The following SLC39A10 variants were observed in gnomAD, a reference collection of about 807,000 sequenced individuals.
The protein encoded by SLC39A10 is zinc transporter ZIP10.
In SLC39A10, 13 loss-of-function variants were observed where a neutral mutation model predicts 65.1. That is an observed-to-expected ratio of 0.20 (90% CI 0.13 to 0.32). SLC39A10 has a LOEUF of 0.32. Among genes scored for constraint, SLC39A10 ranks in the 10% least tolerant of loss-of-function variants. SLC39A10 has a pLI of 1.00. For missense variants in SLC39A10, 831 were observed against 1,018.4 expected (o/e 0.82, Z 2.50); for synonymous variants, 321 against 342.2 (o/e 0.94, Z 0.68).
At chr2:195,682,863 A>G (rs550710547) in intron 2 of SLC39A10, among the ~76,000 whole-genome samples, 30 of 152,120 alleles carry the variant, frequency 2.0e-4, no homozygotes, top group Admixed American at 7.2e-4. Flanking sequence ...AAAATAAAAA[A>G]AAAAAACTAA....
intron 3 of SLC39A10, among the ~76,000 whole-genome samples, chr2:195,685,918 T>C (rs1418282164): frequency 2.6e-5 from 4 of 152,240 alleles, no homozygotes; most frequent in Non-Finnish European, 5.9e-5. Flanking sequence ...AATGTGTCTT[T>C]GAAGATCATT....
chr2:195,657,494 T>C (rs2105720464), intron 1 of SLC39A10: 1 of 985,288 alleles, frequency 1.0e-6, no homozygotes, highest in African/African-American at 1.7e-5. Flanking sequence ...GTGGGCAGAG[T>C]GTTGGGCGCC....
chr2:195,703,679 G>C (rs1304407392), intron 3 of SLC39A10, among the ~76,000 whole-genome samples: 1 of 151,778 alleles, frequency 6.6e-6, no homozygotes, highest in Non-Finnish European at 1.5e-5. Flanking sequence ...TGTGAGACAG[G>C]GTCTGACTCT....
At chr2:195,636,899 GA>G (rs1253171544) in intron 2 of SLC39A10, among the ~76,000 whole-genome samples, 1 of 152,098 alleles carries the variant, frequency 6.6e-6, no homozygotes. Flanking sequence ...TATTTTTGAA[GA>G]GTATAAAAGG....
At chr2:195,725,221 A>C (rs895066421) in intron 8 of SLC39A10, among the ~76,000 whole-genome samples, 2 of 152,234 alleles carry the variant, frequency 1.3e-5, no homozygotes, top group African/African-American at 4.8e-5. Context: ...GGGTTAGGCA[A>C]AGTATTCTTA....
In SLC39A10 at chr2:195,728,211, A is replaced by G. The variant is rs1692313633; in HGVS notation, c.2199A>G (p.Val733=). ...KAGMTVKQAI[V]YNLLSAMMAY... is the part of the protein sequence containing the mutation. ...GCATGACTGTAAAGCAAGCAATTGT[A>G]TACAACCTCCTCTCTGCCATGATGG... Residue 733 remains valine, a synonymous_variant, in exon 9 of 10, where the codon GTA becomes GTG. Transcript: ENST00000359634. This position sits in a 1 kb window ranked among gnomAD's most constrained non-coding sequence, Gnocchi z 4.4. The G allele has an allele frequency of 1.2e-6, 2 of 1,614,026 alleles. No homozygotes were observed. The highest frequency in any genetic ancestry group is 1.7e-6 in the Non-Finnish European group (2 of 1,179,908).
intron 6 of SLC39A10, 108 bp downstream of exon 6, chr2:195,713,661 G>T (rs1205219761): frequency 8.1e-7 from 1 of 1,228,980 alleles, no homozygotes; most frequent in Non-Finnish European, 1.1e-6. Context: ...AAATAATACA[G>T]TAAACTAAAT....
chr2:195,672,035 G>C (rs941556462), intron 1 of SLC39A10, among the ~76,000 whole-genome samples: 1 of 151,820 alleles, frequency 6.6e-6, no homozygotes. Context: ...ACAAAAACTT[G>C]CCCATTTCTT....
intron 2 of SLC39A10, among the ~76,000 whole-genome samples, chr2:195,681,532 G>A (rs72913223): frequency 0.12 from 17,881 of 151,718 alleles, 1,364 homozygotes; most frequent in Middle Eastern, 0.24. Context: ...CTCAAAAAAA[G>A]AAAGAAAAAA....
intron 1 of SLC39A10, among the ~76,000 whole-genome samples, chr2:195,672,386 T>C (rs1393809496): frequency 6.6e-6 from 1 of 152,150 alleles, no homozygotes; most frequent in Non-Finnish European, 1.5e-5. Flanking sequence ...TGCCTTGGCC[T>C]CCTACTAAAG....
chr2:195,627,443 G>A (rs749045450), intron 2 of SLC39A10, among the ~76,000 whole-genome samples: 28 of 151,956 alleles, frequency 1.8e-4, no homozygotes, highest in Non-Finnish European at 2.4e-4. Flanking sequence ...GATGTGATTC[G>A]AGCCACACCA....
At chr2:195,705,494 GC>G (rs1180575331) in intron 3 of SLC39A10, among the ~76,000 whole-genome samples, 6 of 152,258 alleles carry the variant, frequency 3.9e-5, no homozygotes, top group Admixed American at 3.9e-4. Flanking sequence ...ATAAAGTTCA[GC>G]CTTTAGTGGG....
intron 2 of SLC39A10, among the ~76,000 whole-genome samples, chr2:195,632,227 C>T (rs972762901): frequency 6.9e-6 from 1 of 145,814 alleles, no homozygotes; most frequent in African/African-American, 2.5e-5. Flanking sequence ...CTTATCAAAG[C>T]TTTTTCTGTG....
intron 3 of SLC39A10, among the ~76,000 whole-genome samples, chr2:195,700,104 G>C (rs983514277): frequency 2.0e-5 from 3 of 152,052 alleles, no homozygotes; most frequent in African/African-American, 7.2e-5. Context: ...CAGCCTGTTT[G>C]TGTCTTTGAT....
intron 2 of SLC39A10, among the ~76,000 whole-genome samples, chr2:195,643,585 A>G (rs146215305): frequency 2.1e-4 from 32 of 152,374 alleles, no homozygotes; most frequent in African/African-American, 7.5e-4. Context: ...ATTTTGCAGA[A>G]TAACTATAGC....
At chr2:195,665,091 A>T (rs927046922) in intron 1 of SLC39A10, among the ~76,000 whole-genome samples, 4 of 152,270 alleles carry the variant, frequency 2.6e-5, no homozygotes, top group Non-Finnish European at 5.9e-5. Flanking sequence ...TGGGAGGCTG[A>T]GGGGGGCTGG....
At chr2:195,677,640 G>A (rs1233918996) in intron 1 of SLC39A10, among the ~76,000 whole-genome samples, 2 of 151,578 alleles carry the variant, frequency 1.3e-5, no homozygotes, top group Admixed American at 6.6e-5. Flanking sequence ...CCCAATATTT[G>A]TGAAATTCAT....
chr2:195,657,603 T>G, intron 1 of SLC39A10: 1 of 985,088 alleles, frequency 1.0e-6, no homozygotes, highest in Non-Finnish European at 1.2e-6. Context: ...CTCACCTTCC[T>G]GTGGAGGTTG....
In SLC39A10 at chr2:195,680,417, A is replaced by G. The variant is rs1690256208; in HGVS notation, c.375A>G (p.Ser125=). The G allele has an allele frequency of 6.2e-7, 1 of 1,614,062 alleles. No individual in the cohort carries two copies. The highest frequency in any genetic ancestry group is 8.5e-7 in the Non-Finnish European group (1 of 1,180,056). The change falls in exon 2 of 10, where the codon TCA becomes TCG. Residue 125 remains serine (S), a synonymous_variant. Transcript: ENST00000359634. ...TTCAAGAGGGAAAGCATTTTCACTC[A>G]CATAACCACCAGCATTCCCATAATC... is the stretch of plus-strand genomic sequence containing the variant. ...LAVQEGKHFH[S]HNHQHSHNHL...
Sources: gnomAD v4.1 joint callset for allele counts (sites outside exome capture counted in the v4.1 genomes callset) on GRCh38, gnomAD v4.1.1 for gene constraint, Gnocchi (gnomAD v3.1) non-coding constraint, MANE v1.5 for transcripts, NCBI Gene and HGNC (gene_info 2026-07-23, HGNC 2026-07-21) for gene names.